Variants in SHANK2 observed in about 807,000 individuals in gnomAD.
SHANK2 encodes SH3 and multiple ankyrin repeat domains protein 2.
A neutral mutation model predicts 133.7 loss-of-function variants in SHANK2; 43 were observed. That is an observed-to-expected ratio of 0.32 (90% confidence interval 0.25 to 0.41). The LOEUF is 0.41. Among genes scored for constraint, SHANK2 ranks in the 10% least tolerant of loss-of-function variants. The probability of loss-of-function intolerance (pLI) is 1.00; values close to 1 mark genes in which losing one functional copy is unlikely to be tolerated. For missense variants in SHANK2, 1,994 were observed against 2,235.8 expected (o/e 0.89, Z 2.18); for synonymous variants, 1,017 against 952.8 (o/e 1.07, Z -1.24).
At chr11:70,608,416 C>T (rs958008276) in intron 17 of SHANK2, among the ~76,000 whole-genome samples, 10 of 152,216 alleles carry the variant, frequency 6.6e-5, no homozygotes, top group African/African-American at 2.4e-4. Flanking sequence ...TTCTCTCGAA[C>T]ACCCCAGCTC....
At chr11:70,705,374 G>T (rs1425060898) in intron 14 of SHANK2, 1 of 152,186 alleles carries the variant, frequency 6.6e-6, no homozygotes, top group Non-Finnish European at 1.5e-5. Flanking sequence ...GCAGAGATGG[G>T]TTTCTGTCAC....
At chr11:70,624,387 G>A (rs1554999098) in intron 17 of SHANK2, among the ~76,000 whole-genome samples, 1 of 152,034 alleles carries the variant, frequency 6.6e-6, no homozygotes, top group Admixed American at 6.5e-5. Flanking sequence ...TCAGACTTGA[G>A]GCCAGGGGGT....
At chr11:70,742,123 A>C (rs1946540662) in intron 14 of SHANK2, among the ~76,000 whole-genome samples, 1 of 152,222 alleles carries the variant, frequency 6.6e-6, no homozygotes, top group African/African-American at 2.4e-5. Context: ...AAATTCTGAC[A>C]ACTTCCAAAC....
intron 2 of SHANK2, among the ~76,000 whole-genome samples, chr11:71,223,779 C>T (rs1218268546): frequency 6.6e-6 from 1 of 152,180 alleles, no homozygotes; most frequent in African/African-American, 2.4e-5. Context: ...CTTCCCTGCA[C>T]GGGGCACCAC....
intron 17 of SHANK2, among the ~76,000 whole-genome samples, chr11:70,601,041 A>G (rs2060488893): frequency 6.6e-6 from 1 of 151,428 alleles, no homozygotes; most frequent in Non-Finnish European, 1.5e-5. Flanking sequence ...ATCTATATCT[A>G]TATCTATATC....
intron 14 of SHANK2, among the ~76,000 whole-genome samples, chr11:70,796,832 C>T (rs1555049231): frequency 6.6e-6 from 1 of 152,216 alleles, no homozygotes; most frequent in Non-Finnish European, 1.5e-5. Context: ...GATGGCAGCT[C>T]ACTTGGCTTC....
intron 17 of SHANK2, among the ~76,000 whole-genome samples, chr11:70,583,642 G>C (rs148627019): frequency 2.0e-3 from 306 of 152,296 alleles, no homozygotes; most frequent in Non-Finnish European, 3.1e-3. Flanking sequence ...CACTGGGGTT[G>C]AGCCCCCTCC....
intron 17 of SHANK2, among the ~76,000 whole-genome samples, chr11:70,581,673 C>T (rs944780419): frequency 5.3e-5 from 8 of 152,048 alleles, no homozygotes; most frequent in Non-Finnish European, 8.8e-5. Context: ...CCTGGGTGAC[C>T]GAGCGAGACT....
chr11:70,637,368 C>G (rs1377019739), intron 17 of SHANK2, among the ~76,000 whole-genome samples: 1 of 152,126 alleles, frequency 6.6e-6, no homozygotes, highest in Non-Finnish European at 1.5e-5. Context: ...ACTGATTAGA[C>G]CCAGGGTGCC....
chr11:70,480,734 T>C (rs1829392947), intron 25 of SHANK2, among the ~76,000 whole-genome samples: 1 of 152,202 alleles, frequency 6.6e-6, no homozygotes, highest in Non-Finnish European at 1.5e-5. Context: ...TCCTTGTTGG[T>C]GTATTCCTCG....
At chr11:70,813,447 G>A (rs935543149) in intron 12 of SHANK2, among the ~76,000 whole-genome samples, 4 of 152,152 alleles carry the variant, frequency 2.6e-5, no homozygotes, top group African/African-American at 9.7e-5. Context: ...GAGCCCCATT[G>A]AGGGCCCCTG....
intron 17 of SHANK2, among the ~76,000 whole-genome samples, chr11:70,656,308 T>C (rs1356763908): frequency 6.6e-6 from 1 of 152,114 alleles, no homozygotes; most frequent in East Asian, 1.9e-4. Context: ...GGGTTTCCTG[T>C]TGTCACCAGA....
chr11:70,742,445 C>A lies in SHANK2; in HGVS notation c.1778-43682G>T, dbSNP rs368286277. 4.6e-5 allele frequency among the ~76,000 whole-genome samples: 7 copies of A among 152,346 alleles called. No individual in the cohort carries two copies. In the East Asian group the frequency reaches 1.2e-3, roughly 25 times the overall value. ...TTTTCAAAAGGTAGGCATATTAGTT[C>A]TCTGCCTAGGTCCAGGACAATTCTT... On this transcript the variant is annotated intron_variant, in intron 14 of 25. Transcript: ENST00000601538.
At chr11:71,245,742 C>T (rs1329916582) in intron 1 of SHANK2, among the ~76,000 whole-genome samples, 1 of 152,210 alleles carries the variant, frequency 6.6e-6, no homozygotes, top group Non-Finnish European at 1.5e-5. Flanking sequence ...GGGGCAGTAG[C>T]GACGCCATCG....
In SHANK2 at chr11:71,231,890, G is replaced by GA. The variant is rs1236313299; in HGVS notation, c.-112-7095dup. 2.0e-3 allele frequency among the ~76,000 whole-genome samples: 275 copies of GA among 139,454 alleles called. 2 individuals are homozygous for GA. The highest frequency in any genetic ancestry group is 1.8e-3 in the African/African-American group (68 of 37,932). The allele number at this position is 139,454 out of a possible 152,430, so 91.5% of individuals were successfully genotyped here. ...GGTGACAGGGCCAGGTGTCTTCAAG[G>GA]AAAAAAAAAAAAGACAAAGAAACCT... On this transcript the variant is annotated intron_variant, in intron 1 of 25. Coordinates refer to ENST00000601538, the MANE Select transcript of SHANK2 (RefSeq NM_012309.5).
intron 11 of SHANK2, among the ~76,000 whole-genome samples, chr11:70,828,330 T>C (rs546112993): frequency 6.6e-6 from 1 of 152,184 alleles, no homozygotes; most frequent in African/African-American, 2.4e-5. Context: ...ATAAACTTCA[T>C]CTCTTATTTA....
At chr11:70,927,609 T>C (rs1227624124) in intron 10 of SHANK2, among the ~76,000 whole-genome samples, 7 of 151,984 alleles carry the variant, frequency 4.6e-5, no homozygotes, top group East Asian at 1.9e-4. Flanking sequence ...AGATGGAAAT[T>C]CCCATTAAGA....
At position 70,661,800 on chromosome 11, in the gene SHANK2, G is replaced by A. The variant is rs572189001; in HGVS notation, c.1854-122C>T. ...TAATCACCCCAGCTCGCCAGATCCA[G>A]GCAGCATGGAGGAAAGGAGGCAGCG... On this transcript the variant is annotated intron_variant, in intron 15 of 25. Coordinates refer to ENST00000601538, the MANE Select transcript of SHANK2 (RefSeq NM_012309.5). 4.6e-5 allele frequency: 75 copies of A among 1,612,954 alleles called. No homozygotes were observed. The East Asian group carries it at 1.6e-3, about 34-fold the overall frequency.
At position 70,644,344 on chromosome 11, in the gene SHANK2, C is replaced by T. The variant is rs199516323; in HGVS notation, c.2061+15484G>A. Reference sequence around the variant, plus strand: ...ACTCCCCATCCCCTTCCCCAGCCCCCGACACCCACCATCCTACTTTCTGTC... The same window carrying T: ...ACTCCCCATCCCCTTCCCCAGCCCCTGACACCCACCATCCTACTTTCTGTC... On this transcript the variant is annotated intron_variant, in intron 17 of 25. Coordinates refer to ENST00000601538, the MANE Select transcript of SHANK2 (RefSeq NM_012309.5). Among the ~76,000 whole-genome samples the T allele has an allele frequency of 1.6e-4, 25 of 152,272 alleles. No homozygotes were observed. The East Asian group carries it at 4.2e-3, about 26-fold the overall frequency.
Sources: gnomAD v4.1 joint callset for allele counts (sites outside exome capture counted in the v4.1 genomes callset) on GRCh38, gnomAD v4.1.1 for gene constraint, MANE v1.5 for transcripts, NCBI Gene and HGNC (gene_info 2026-07-23, HGNC 2026-07-21) for gene names.